The following CNTNAP2 variants were observed in gnomAD, a reference collection of about 807,000 sequenced individuals.
The protein encoded by CNTNAP2 is contactin associated protein 2.
Under a neutral mutation model 155.2 loss-of-function variants are expected in CNTNAP2, and 98 were observed. The ratio of observed to expected loss-of-function variants is 0.63; its 90% confidence interval spans 0.54 to 0.75. The LOEUF is 0.75. CNTNAP2 is among the 30% of genes least tolerant of loss of function. The pLI is 0.00. For missense variants in CNTNAP2, 1,727 were observed against 1,688.1 expected (o/e 1.02, Z -0.40); for synonymous variants, 651 against 631.2 (o/e 1.03, Z -0.47).
chr7:148,330,674 G>A lies in CNTNAP2; in HGVS notation c.3476-52975G>A, dbSNP rs556275930. On this transcript the variant is annotated intron_variant, in intron 21 of 23. Coordinates refer to ENST00000361727, the MANE Select transcript of CNTNAP2 (RefSeq NM_014141.6). ...TGGAATGGATGGATGGATGGATGGA[G>A]TAGATGGAGTGGATGGAGTGGACGG... is the stretch of plus-strand genomic sequence containing the variant. Among the ~76,000 whole-genome samples, 32 of 134,498 alleles carry A rather than the reference G, an allele frequency of 2.4e-4. 2 individuals are homozygous for A. The highest frequency in any genetic ancestry group is 8.8e-4 in the African/African-American group (30 of 34,218). The allele number at this position is 134,498 out of a possible 152,430, so 88.2% of individuals were successfully genotyped here. A position where few individuals can be genotyped will look rare whatever the true frequency, so the allele number is the denominator to read the frequency against.
intron 1 of CNTNAP2, among the ~76,000 whole-genome samples, chr7:146,159,538 G>T (rs1326916380): frequency 6.6e-6 from 1 of 152,094 alleles, no homozygotes; most frequent in Non-Finnish European, 1.5e-5. Context: ...ATAAAGGGAT[G>T]GAGGAAGATC....
chr7:146,419,104 A>C (rs144312187), intron 1 of CNTNAP2, among the ~76,000 whole-genome samples: 2 of 152,252 alleles, frequency 1.3e-5, no homozygotes, highest in Middle Eastern at 6.8e-3. Context: ...AAAGAAAAAG[A>C]GGTTCGGTGG....
At chr7:147,993,615 G>A (rs1167514201) in intron 15 of CNTNAP2, among the ~76,000 whole-genome samples, 1 of 152,184 alleles carries the variant, frequency 6.6e-6, no homozygotes, top group Non-Finnish European at 1.5e-5. Context: ...GAAAGAGAAT[G>A]AGCTATTGAT....
chr7:148,057,950 C>CTTA (rs60012733), intron 15 of CNTNAP2, among the ~76,000 whole-genome samples: 68,945 of 142,440 alleles, frequency 0.48, 16,709 homozygotes, highest in Middle Eastern at 0.56. Flanking sequence ...CAGCTTCCAG[C>CTTA]TTATTATTAT....
intron 1 of CNTNAP2, among the ~76,000 whole-genome samples, chr7:146,408,789 G>T (rs915946381): frequency 6.6e-6 from 1 of 151,644 alleles, no homozygotes; most frequent in African/African-American, 2.4e-5. Context: ...TAAATATTAG[G>T]TAAAAACTAC....
At chr7:147,331,379 A>T (rs1246661279) in intron 9 of CNTNAP2, among the ~76,000 whole-genome samples, 1 of 152,140 alleles carries the variant, frequency 6.6e-6, no homozygotes, top group Admixed American at 6.6e-5. Flanking sequence ...TCTATTATAA[A>T]TGTCAAAAAG....
At chr7:146,568,628 T>A (rs1017320518) in intron 1 of CNTNAP2, among the ~76,000 whole-genome samples, 2 of 152,214 alleles carry the variant, frequency 1.3e-5, no homozygotes, top group African/African-American at 4.8e-5. Flanking sequence ...TGCATACAGA[T>A]TCTTGATTCA....
intron 4 of CNTNAP2, among the ~76,000 whole-genome samples, chr7:147,053,636 A>G (rs905348758): frequency 1.3e-5 from 2 of 152,108 alleles, no homozygotes; most frequent in East Asian, 3.9e-4. Flanking sequence ...GTAATATGCA[A>G]TTAGACCTAT....
chr7:147,361,556 A>G (rs938749470), intron 9 of CNTNAP2, among the ~76,000 whole-genome samples: 4 of 152,206 alleles, frequency 2.6e-5, no homozygotes, highest in African/African-American at 9.6e-5. Context: ...TTTATTATTT[A>G]GTGCATAGTT....
intron 13 of CNTNAP2, among the ~76,000 whole-genome samples, chr7:147,800,252 T>C (rs1797963239): frequency 6.6e-6 from 1 of 152,126 alleles, no homozygotes; most frequent in African/African-American, 2.4e-5. Context: ...GAGGGAAGAT[T>C]TGATTTGGGG....
At chr7:146,576,637 T>C (rs1266569434) in intron 1 of CNTNAP2, among the ~76,000 whole-genome samples, 1 of 152,204 alleles carries the variant, frequency 6.6e-6, no homozygotes, top group Non-Finnish European at 1.5e-5. Context: ...CAAGTGCTGA[T>C]CAAGTTGGTA....
chr7:147,554,816 G>A (rs1584809769), intron 11 of CNTNAP2, among the ~76,000 whole-genome samples: 1 of 151,834 alleles, frequency 6.6e-6, no homozygotes, highest in East Asian at 1.9e-4. Context: ...GGGAAATAAT[G>A]TAGTTTACTC....
chr7:148,292,256 A>G (rs1264369580), intron 21 of CNTNAP2, among the ~76,000 whole-genome samples: 1 of 152,202 alleles, frequency 6.6e-6, no homozygotes, highest in Non-Finnish European at 1.5e-5. Context: ...ACATTAAGCC[A>G]TTCAGGTAAA....
chr7:146,644,099 G>A (rs879530068), intron 1 of CNTNAP2, among the ~76,000 whole-genome samples: 54 of 152,088 alleles, frequency 3.6e-4, no homozygotes, highest in Non-Finnish European at 5.4e-4. Context: ...CAATCATGTC[G>A]TCTGCAAACA....
intron 13 of CNTNAP2, among the ~76,000 whole-genome samples, chr7:147,873,059 T>C (rs534329491): frequency 6.6e-6 from 1 of 152,314 alleles, no homozygotes; most frequent in African/African-American, 2.4e-5. Context: ...ATAATGTTAA[T>C]TGATTGTACT....
intron 3 of CNTNAP2, among the ~76,000 whole-genome samples, chr7:146,960,314 T>A (rs2129230259): frequency 6.6e-6 from 1 of 152,338 alleles, no homozygotes; most frequent in South Asian, 2.1e-4. Context: ...TTTGAGAATG[T>A]TTCTATTTTC....
chr7:148,167,481 C>A (rs1041080295), intron 17 of CNTNAP2, among the ~76,000 whole-genome samples: 7 of 151,684 alleles, frequency 4.6e-5, no homozygotes, highest in African/African-American at 1.7e-4. Flanking sequence ...ATATGTTACA[C>A]CCAGTTAAAA....
intron 1 of CNTNAP2, among the ~76,000 whole-genome samples, chr7:146,586,124 A>AT (rs1325452511): frequency 6.6e-6 from 1 of 152,218 alleles, no homozygotes; most frequent in African/African-American, 2.4e-5. Flanking sequence ...ATAAATATAT[A>AT]TTGAAATGAC....
chr7:146,621,861 T>A (rs1799323637), intron 1 of CNTNAP2, among the ~76,000 whole-genome samples: 1 of 152,182 alleles, frequency 6.6e-6, no homozygotes, highest in African/African-American at 2.4e-5. Flanking sequence ...TAAATTATTC[T>A]ACATGGGCCA....
Sources: gnomAD v4.1 joint callset for allele counts (sites outside exome capture counted in the v4.1 genomes callset) on GRCh38, gnomAD v4.1.1 for gene constraint, MANE v1.5 for transcripts, NCBI Gene and HGNC (gene_info 2026-07-23, HGNC 2026-07-21) for gene names.